Variants in DOCK10 observed in about 807,000 individuals in gnomAD.
DOCK10 encodes dedicator of cytokinesis 10.
DOCK10 carries 145 observed loss-of-function variants against 280.1 expected under a neutral mutation model. That is an observed-to-expected ratio of 0.52 (90% CI 0.45 to 0.59). DOCK10 has a LOEUF of 0.59. Among genes scored for constraint, DOCK10 ranks in the 20% least tolerant of loss-of-function variants. The probability of loss-of-function intolerance (pLI) is 0.00; values close to 1 mark genes in which losing one functional copy is unlikely to be tolerated. For synonymous variants in DOCK10, 915 were observed against 942.2 expected (o/e 0.97, Z 0.53); for missense variants, 2,368 against 2,651.7 (o/e 0.89, Z 2.35).
chr2:224,933,023 T>G (rs1479750419), intron 1 of DOCK10, among the ~76,000 whole-genome samples: 2 of 152,166 alleles, frequency 1.3e-5, no homozygotes, highest in Non-Finnish European at 2.9e-5. Flanking sequence ...CTAAGGGTAA[T>G]GCCAGGTGAA....
chr2:224,887,175 C>CACT (rs1699354064), intron 4 of DOCK10, among the ~76,000 whole-genome samples: 1 of 152,150 alleles, frequency 6.6e-6, no homozygotes, highest in Non-Finnish European at 1.5e-5. Context: ...TAGGTGGAAT[C>CACT]ACTACTTAAT....
At chr2:224,890,199 G>T (rs74771611) in intron 4 of DOCK10, among the ~76,000 whole-genome samples, 405 of 152,292 alleles carry the variant, frequency 2.7e-3, no homozygotes, top group African/African-American at 8.5e-3. Context: ...GGCCAGCATG[G>T]CTTATCCTTC....
At chr2:224,902,087 G>T (rs929607725) in intron 3 of DOCK10, among the ~76,000 whole-genome samples, 2 of 152,132 alleles carry the variant, frequency 1.3e-5, no homozygotes, top group African/African-American at 4.8e-5. Context: ...ACACCCTAAG[G>T]TGCTGTAAAG....
Position 224,816,695 on chromosome 2 carries a change from A to G in DOCK10, c.3286T>C (p.Phe1096Leu). 1 of 1,601,350 alleles carries G rather than the reference A, an allele frequency of 6.2e-7. No individual in the cohort carries two copies. The highest frequency in any genetic ancestry group is 1.1e-5 in the South Asian group (1 of 89,104). ...TGACATACTTCTTGAAGAAAATCAA[A>G]TTTATACTGGCACAAGGTCTGAAAG... ...GDLKTLCQYK[F>L]DFLQEVCQHE... The change falls in exon 30 of 56, where the codon TTT (phenylalanine) becomes CTT (leucine). Residue 1096 changes from phenylalanine to leucine, a missense_variant. By Grantham distance (22) the Phe-to-Leu change is conservative (BLOSUM62 0). Transcript: ENST00000258390.
intron 1 of DOCK10, among the ~76,000 whole-genome samples, chr2:225,018,335 A>T (rs1271605351): frequency 6.6e-6 from 1 of 151,632 alleles, no homozygotes; most frequent in Non-Finnish European, 1.5e-5. Context: ...TCCTTGCAGG[A>T]CTGAAATAGG....
Position 224,800,183 on chromosome 2 carries a change from C to A in DOCK10, c.4474G>T (p.Asp1492Tyr), listed in dbSNP as rs1014015442. The A allele has an allele frequency of 6.2e-7, 1 of 1,611,150 alleles. No homozygotes were observed. The highest frequency in any genetic ancestry group is 1.3e-5 in the African/African-American group (1 of 74,924). ...GTCTGTGTGAAGAGGGATAACAGGT[C>A]CAGAATAGTGAGGCAAACCTCCGTA... is the stretch of plus-strand genomic sequence containing the variant. The part of the protein sequence containing the change: ...IATEVCLTIL[D>Y]LLSLFTQTHQ... The change falls in exon 41 of 56, where the codon GAC becomes TAC. Residue 1492 changes from aspartate to tyrosine, a missense_variant. By Grantham distance (160) the Asp-to-Tyr change is radical. Transcript: ENST00000258390.
In DOCK10 at chr2:224,787,002, G is replaced by A. The variant is rs770494054; in HGVS notation, c.5655+20C>T. 1 of 1,567,086 alleles carries A rather than the reference G, an allele frequency of 6.4e-7. No homozygotes were observed. Among genetic ancestry groups the A allele is most frequent in the South Asian group, 1.1e-5 (1 of 90,144 alleles). ...CTGCTCAGCAGAATTTATGGGCCGT[G>A]TTATTTCTGGTGAACTTACCTGCCC... On this transcript the variant is annotated intron_variant, in intron 50 of 55. Coordinates refer to ENST00000258390, the MANE Select transcript of DOCK10 (RefSeq NM_014689.3).
intron 2 of DOCK10, among the ~76,000 whole-genome samples, chr2:224,920,911 T>G (rs1455528091): frequency 6.6e-6 from 1 of 150,518 alleles, no homozygotes; most frequent in African/African-American, 2.5e-5. Context: ...CCCTGTTCCA[T>G]CTATGTAGTA....
intron 1 of DOCK10, among the ~76,000 whole-genome samples, chr2:224,984,176 C>T (rs189423940): frequency 1.8e-3 from 273 of 152,146 alleles, no homozygotes; most frequent in African/African-American, 6.3e-3. Flanking sequence ...CTCATGGCTG[C>T]GTAGTTTGCA....
At chr2:224,776,857 C>G (rs975259937) in intron 51 of DOCK10, among the ~76,000 whole-genome samples, 55 of 152,308 alleles carry the variant, frequency 3.6e-4, no homozygotes, top group Non-Finnish European at 1.6e-4. Context: ...AACATCATCC[C>G]TTCTATGTAA....
intron 1 of DOCK10, among the ~76,000 whole-genome samples, chr2:224,960,858 G>A (rs893772478): frequency 6.9e-6 from 1 of 145,062 alleles, no homozygotes; most frequent in East Asian, 2.1e-4. Context: ...TCCTGTCTCA[G>A]CCTCCCGTGT....
chr2:224,895,456 A>G (rs535984706), intron 4 of DOCK10, among the ~76,000 whole-genome samples: 17 of 152,362 alleles, frequency 1.1e-4, no homozygotes, highest in African/African-American at 4.1e-4. Context: ...GAACCAGTTC[A>G]AGGAAGTTCT....
In DOCK10 at chr2:224,927,365, C is replaced by T. The variant is rs1395465845; in HGVS notation, c.243+4184G>A. Among the ~76,000 whole-genome samples, 4 of 152,054 alleles carry T rather than the reference C, an allele frequency of 2.6e-5. No homozygotes were observed. The South Asian group carries it at 8.3e-4, about 32-fold the overall frequency. On this transcript the variant is annotated intron_variant, in intron 2 of 55. Transcript: ENST00000258390. Reference sequence around the variant, plus strand: ...TGAGAAGTTTTAACCAGAGGCATGGCGTTATCTAATTTGTGTTCCTAACAG... The same window carrying T: ...TGAGAAGTTTTAACCAGAGGCATGGTGTTATCTAATTTGTGTTCCTAACAG...
chr2:224,773,717 C>T (rs1354975147), intron 52 of DOCK10, among the ~76,000 whole-genome samples: 2 of 151,752 alleles, frequency 1.3e-5, no homozygotes, highest in Admixed American at 6.6e-5. Context: ...CTGCAGTCTC[C>T]GCCTTCTGGG....
chr2:224,766,398 T>C (rs960833536), intron 55 of DOCK10, among the ~76,000 whole-genome samples: 8 of 152,154 alleles, frequency 5.3e-5, no homozygotes, highest in Admixed American at 2.6e-4. Flanking sequence ...ATTGTGAAGA[T>C]TTTCCCACTA....
chr2:225,028,202 C>A (rs986211701), intron 1 of DOCK10, among the ~76,000 whole-genome samples: 1 of 152,060 alleles, frequency 6.6e-6, no homozygotes, highest in Non-Finnish European at 1.5e-5. Flanking sequence ...AATCACCAGT[C>A]CTTCAGTGGG....
At chr2:224,828,653 A>G (rs1403821202) in intron 27 of DOCK10, among the ~76,000 whole-genome samples, 5 of 152,148 alleles carry the variant, frequency 3.3e-5, no homozygotes, top group Admixed American at 6.5e-5. Context: ...TTGGCTCATG[A>G]GCAGCCATGG....
At chr2:225,038,610 C>T (rs925022917) in intron 1 of DOCK10, among the ~76,000 whole-genome samples, 2 of 151,950 alleles carry the variant, frequency 1.3e-5, no homozygotes, top group African/African-American at 4.8e-5. Flanking sequence ...TAATCACTTC[C>T]GGCAGGATGC....
intron 47 of DOCK10, among the ~76,000 whole-genome samples, chr2:224,789,937 C>A (rs572071556): frequency 6.6e-6 from 1 of 152,084 alleles, no homozygotes; most frequent in African/African-American, 2.4e-5. Context: ...CCCGCCACCA[C>A]GCCCAGCTAA....
Sources: allele counts gnomAD v4.1 joint callset (sites outside exome capture counted in the v4.1 genomes callset), GRCh38; gene constraint gnomAD v4.1.1; transcripts MANE v1.5; gene names NCBI Gene and HGNC (gene_info 2026-07-23, HGNC 2026-07-21).